Variants in THSD4 observed in about 807,000 individuals in gnomAD.
THSD4 encodes thrombospondin type 1 domain containing 4.
In THSD4, 69 loss-of-function variants were observed where a neutral mutation model predicts 119.0. That is an observed-to-expected ratio of 0.58 (90% CI 0.48 to 0.71). The LOEUF is 0.71. THSD4 is among the 30% of genes least tolerant of loss of function. The pLI, the probability that THSD4 is intolerant of heterozygous loss-of-function variation, is 0.00. For missense variants in THSD4, 1,393 were observed against 1,391.1 expected, an observed-to-expected ratio of 1.00 and a Z score of -0.02; for synonymous variants, 524 against 540.4, an observed-to-expected ratio of 0.97 and a Z score of 0.42.
intron 6 of THSD4, among the ~76,000 whole-genome samples, chr15:71,392,883 A>G (rs898995662): frequency 6.6e-6 from 1 of 152,144 alleles, no homozygotes; most frequent in African/African-American, 2.4e-5. Context: ...CTGAGGTTTC[A>G]ATTAGGTTCT....
At position 71,764,928 on chromosome 15, in the gene THSD4, G is replaced by C. The variant is rs1052095455; in HGVS notation, c.2590-92G>C. ...TCCTCCTAGAATTGGTGGTAGAATT[G>C]ACGGTGCCCGTCATAAGCATCCCTT... On this transcript the variant is annotated intron_variant, in intron 15 of 17. Coordinates refer to ENST00000261862, the MANE Select transcript of THSD4 (RefSeq NM_024817.3). 17 of 1,463,806 alleles carry C rather than the reference G, an allele frequency of 1.2e-5. No homozygotes were observed. The African/African-American group carries it at 2.0e-4, about 17-fold the overall frequency. The allele number at this position is 1,463,806 out of a possible 1,614,324, so 90.7% of individuals were successfully genotyped here. A position where few individuals can be genotyped will look rare whatever the true frequency, so the allele number is the denominator to read the frequency against.
chr15:71,458,800 T>C (rs2047374177), intron 7 of THSD4, among the ~76,000 whole-genome samples: 1 of 152,242 alleles, frequency 6.6e-6, no homozygotes, highest in Non-Finnish European at 1.5e-5. Context: ...ACATTTACGT[T>C]ACTGAAAGAG....
rs368278156 is a variant in THSD4, at chr15:71,632,324, C to T, written c.1153-28206C>T. Among the ~76,000 whole-genome samples the T allele has an allele frequency of 4.6e-5, 7 of 152,162 alleles. No homozygotes were observed. In the East Asian group the frequency reaches 5.8e-4, roughly 13 times the overall value. On this transcript the variant is annotated intron_variant, in intron 7 of 17. Coordinates refer to ENST00000261862, the MANE Select transcript of THSD4 (RefSeq NM_024817.3). ...GAGACCTTTAAAGGAGGGATGATTC[C>T]GTGTCCCCTCCTGATGACTGTATGA... is the stretch of plus-strand genomic sequence containing the variant.
intron 1 of THSD4, among the ~76,000 whole-genome samples, chr15:71,122,053 C>T (rs185334166): frequency 1.3e-5 from 2 of 152,194 alleles, no homozygotes; most frequent in Admixed American, 6.5e-5. Flanking sequence ...CGTGTAGTGA[C>T]AGTATAGCCT....
chr15:71,358,751 A>G (rs1414387071), intron 6 of THSD4, among the ~76,000 whole-genome samples: 2 of 152,212 alleles, frequency 1.3e-5, no homozygotes, highest in African/African-American at 4.8e-5. Context: ...CGCTGTCATC[A>G]TCATCTTTCT....
At chr15:71,623,316 G>T (rs538197862) in intron 7 of THSD4, among the ~76,000 whole-genome samples, 2 of 152,160 alleles carry the variant, frequency 1.3e-5, no homozygotes, top group African/African-American at 4.8e-5. Flanking sequence ...GGCATTGTGC[G>T]AAATGCTTTA....
chr15:71,370,587 C>T lies in THSD4; in HGVS notation c.1016-41100C>T, dbSNP rs552900910. On this transcript the variant is annotated intron_variant, in intron 6 of 17. Transcript: ENST00000261862. The stretch of plus-strand genomic sequence containing the variant: ...GTTGTTCAGTTTCCATGTAGTTGAG[C>T]GGTTTTGAGTGAGTTTCTTAATCCT... Among the ~76,000 whole-genome samples the T allele has an allele frequency of 6.9e-3, 1,050 of 152,212 alleles. 5 individuals are homozygous for T. The highest frequency in any genetic ancestry group is 0.014 in the African/African-American group (576 of 41,534).
At chr15:71,580,815 C>A (rs903967311) in intron 7 of THSD4, among the ~76,000 whole-genome samples, 3 of 151,998 alleles carry the variant, frequency 2.0e-5, no homozygotes, top group Admixed American at 6.6e-5. Flanking sequence ...TTGCAAATGG[C>A]AGGATTTTCT....
At chr15:71,299,960 C>CAAA (rs141320911) in intron 6 of THSD4, among the ~76,000 whole-genome samples, 5 of 109,030 alleles carry the variant, frequency 4.6e-5, no homozygotes, top group African/African-American at 1.6e-4. Context: ...CTGTCTCTAC[C>CAAA]AAAAAAAAAA....
intron 7 of THSD4, among the ~76,000 whole-genome samples, chr15:71,584,220 TC>T (rs2049615605): frequency 6.6e-6 from 1 of 151,252 alleles, no homozygotes; most frequent in Non-Finnish European, 1.5e-5. Flanking sequence ...TCACCTCTAC[TC>T]TTTTTTGGTT....
chr15:71,486,552 C>G (rs1367506921), intron 7 of THSD4, among the ~76,000 whole-genome samples: 2 of 150,806 alleles, frequency 1.3e-5, no homozygotes, highest in African/African-American at 4.9e-5. Context: ...TCGCTCACAT[C>G]TTACTGAAAC....
At chr15:71,683,078 T>A (rs906639149) in intron 8 of THSD4, among the ~76,000 whole-genome samples, 2 of 151,770 alleles carry the variant, frequency 1.3e-5, no homozygotes, top group African/African-American at 2.4e-5. Context: ...CACACCACCA[T>A]GCCTGGCCGA....
intron 6 of THSD4, among the ~76,000 whole-genome samples, chr15:71,368,466 G>C (rs1403937102): frequency 1.9e-4 from 29 of 152,152 alleles, no homozygotes; most frequent in Admixed American, 1.8e-3. Context: ...TTTGTATAAG[G>C]TGTAAGGAAG....
At chr15:71,549,737 GCGTCATA>G (rs1245741928) in intron 7 of THSD4, 1 of 152,252 alleles carries the variant, frequency 6.6e-6, no homozygotes, top group African/African-American at 2.4e-5. Context: ...GGGTAAGAAA[GCGTCATA>G]CACCTGGGGG....
At chr15:71,216,503 G>T (rs1040561306) in intron 4 of THSD4, among the ~76,000 whole-genome samples, 8 of 152,208 alleles carry the variant, frequency 5.3e-5, no homozygotes, top group Admixed American at 3.9e-4. Context: ...CTCTTTACCT[G>T]GTGCAGTAGG....
chr15:71,525,577 T>G (rs184406340), intron 7 of THSD4, among the ~76,000 whole-genome samples: 3 of 152,314 alleles, frequency 2.0e-5, no homozygotes, highest in Non-Finnish European at 1.5e-5. Flanking sequence ...CAGAGAAATC[T>G]GCGCAAATGT....
At chr15:71,372,738 G>C (rs745524880) in intron 6 of THSD4, among the ~76,000 whole-genome samples, 3 of 152,206 alleles carry the variant, frequency 2.0e-5, no homozygotes, top group South Asian at 4.1e-4. Context: ...ACCCACTTGA[G>C]GGGGCAGTCT....
intron 6 of THSD4, among the ~76,000 whole-genome samples, chr15:71,334,718 C>T (rs368640357): frequency 6.6e-6 from 1 of 152,294 alleles, no homozygotes; most frequent in Admixed American, 6.5e-5. Context: ...ACCAGCCTCC[C>T]TCTCTCTAGT....
intron 6 of THSD4, among the ~76,000 whole-genome samples, chr15:71,384,865 G>T (rs1205295048): frequency 6.6e-6 from 1 of 152,186 alleles, no homozygotes; most frequent in East Asian, 1.9e-4. Context: ...TTCTTCCAAA[G>T]TTAAGGATCC....
Sources: gnomAD v4.1 joint callset for allele counts (sites outside exome capture counted in the v4.1 genomes callset) on GRCh38, gnomAD v4.1.1 for gene constraint, MANE v1.5 for transcripts, NCBI Gene and HGNC (gene_info 2026-07-23, HGNC 2026-07-21) for gene names.